The following NBAS variants were observed in gnomAD, a reference collection of about 807,000 sequenced individuals.
NBAS encodes the protein NBAS subunit of NRZ tethering complex.
Under a neutral mutation model 302.5 loss-of-function variants are expected in NBAS, and 219 were observed. That is an observed-to-expected ratio of 0.72 (90% CI 0.65 to 0.81). The LOEUF is 0.81. Among genes scored for constraint, NBAS ranks in the 30% least tolerant of loss-of-function variants. NBAS has a pLI of 0.00. For synonymous variants in NBAS, 1,118 were observed against 1,021.6 expected, an observed-to-expected ratio of 1.09 and a Z score of -1.80; for missense variants, 2,932 against 2,841.6, an observed-to-expected ratio of 1.03 and a Z score of -0.72.
chr2:14,951,845 TA>T, the NBAS span, among the ~76,000 whole-genome samples: 1 of 152,172 alleles, frequency 6.6e-6, no homozygotes, highest in Non-Finnish European at 1.5e-5. Flanking sequence ...AAATTCCTCT[TA>T]GGGCTGCTCT....
chr2:14,931,081 A>G, the NBAS span, among the ~76,000 whole-genome samples: 2 of 152,230 alleles, frequency 1.3e-5, no homozygotes, highest in South Asian at 4.1e-4. Context: ...TGAAAGAATG[A>G]ATGAATGAAC....
At chr2:14,903,748 G>A in the NBAS span, among the ~76,000 whole-genome samples, 9 of 152,088 alleles carry the variant, frequency 5.9e-5, no homozygotes, top group African/African-American at 1.9e-4. Flanking sequence ...CAAAGGAATC[G>A]GGGAGCAAAA....
chr2:15,023,297 T>C, the NBAS span, among the ~76,000 whole-genome samples: 1,889 of 152,280 alleles, frequency 0.012, 42 homozygotes, highest in African/African-American at 0.044. Flanking sequence ...ACAGTTTATT[T>C]ATGTATTCAA....
rs557237995 is a variant in NBAS, at chr2:15,514,410, A to C, written c.747-3060T>G. On this transcript the variant is annotated intron_variant, in intron 9 of 51. Coordinates refer to ENST00000281513, the MANE Select transcript of NBAS (RefSeq NM_015909.4). ...ATCCAAAGTTCAGAATTTAATCACA[A>C]CGTTTTTTCAATCCAAAAATATGTG... 9.8e-5 allele frequency among the ~76,000 whole-genome samples: 15 copies of C among 152,342 alleles called. No homozygotes were observed. The South Asian group carries it at 2.7e-3, about 27-fold the overall frequency.
the NBAS span, among the ~76,000 whole-genome samples, chr2:14,898,228 C>T: frequency 7.2e-5 from 11 of 152,280 alleles, no homozygotes; most frequent in Middle Eastern, 3.4e-3. Context: ...CATGTGCTTG[C>T]AGATCCTTAG....
At chr2:15,446,673 G>C (rs1172614368) in intron 21 of NBAS, among the ~76,000 whole-genome samples, 1 of 151,950 alleles carries the variant, frequency 6.6e-6, no homozygotes. Context: ...TTACTGATAA[G>C]AGCAAAAATA....
the NBAS span, among the ~76,000 whole-genome samples, chr2:14,789,586 G>A: frequency 1.3e-5 from 2 of 152,168 alleles, no homozygotes; most frequent in Non-Finnish European, 2.9e-5. Context: ...AAACTATTGG[G>A]CCAGTTAATT....
At chr2:15,296,608 C>T (rs1000278632) in intron 40 of NBAS, among the ~76,000 whole-genome samples, 1 of 151,902 alleles carries the variant, frequency 6.6e-6, no homozygotes, top group African/African-American at 2.4e-5. Flanking sequence ...AGGCTGGAGG[C>T]TCAATTGAGG....
In NBAS at chr2:15,525,030, C is replaced by T. The variant is rs781593710; in HGVS notation, c.746+9513G>A. Among the ~76,000 whole-genome samples, 8 of 152,164 alleles carry T rather than the reference C, an allele frequency of 5.3e-5. No homozygotes were observed. In the East Asian group the frequency reaches 5.8e-4, roughly 11 times the overall value. On this transcript the variant is annotated intron_variant, in intron 9 of 51. Transcript: ENST00000281513. The stretch of plus-strand genomic sequence containing the variant: ...GATTTAAGCAACTTCACTGCAAAAA[C>T]ACAATATATTCAGCATCTACCTATA...
In NBAS at chr2:15,353,511, G is replaced by A. The variant is rs751355392; in HGVS notation, c.4089+42C>T. The A allele has an allele frequency of 1.9e-6, 3 of 1,610,930 alleles. No homozygotes were observed. In the South Asian group the frequency reaches 3.3e-5, roughly 18 times the overall value. On this transcript the variant is annotated intron_variant, in intron 34 of 51. Coordinates refer to ENST00000281513, the MANE Select transcript of NBAS (RefSeq NM_015909.4). ...CTCAGATACACACACCCAACAACAT[G>A]GACGTCATACAGGTTAGGATTTCCT...
At chr2:15,526,834 A>G (rs1261847210) in intron 9 of NBAS, among the ~76,000 whole-genome samples, 1 of 152,160 alleles carries the variant, frequency 6.6e-6, no homozygotes, top group Non-Finnish European at 1.5e-5. Context: ...CAATTGCTTA[A>G]ATCCTGAATC....
intron 2 of NBAS, 117 bp from the exon 3 acceptor site, chr2:15,556,936 TA>T (rs1243856573): frequency 1.2e-6 from 1 of 801,370 alleles, no homozygotes; most frequent in East Asian, 2.5e-5. Context: ...TTAAAAAAAA[TA>T]AAGAACTCAA....
chr2:15,085,293 A>ACC, the NBAS span, among the ~76,000 whole-genome samples: 3 of 151,790 alleles, frequency 2.0e-5, no homozygotes, highest in Admixed American at 2.0e-4. Context: ...CACTGGGCCC[A>ACC]CCCCACCAAG....
chr2:15,014,644 G>C, the NBAS span, among the ~76,000 whole-genome samples: 1 of 151,928 alleles, frequency 6.6e-6, no homozygotes, highest in Non-Finnish European at 1.5e-5. Flanking sequence ...TAAGAGGTAA[G>C]TTTATAACAA....
At chr2:15,300,060 T>TC (rs1414118147) in intron 40 of NBAS, among the ~76,000 whole-genome samples, 2 of 152,162 alleles carry the variant, frequency 1.3e-5, no homozygotes, top group Non-Finnish European at 2.9e-5. Flanking sequence ...GCTCCATGGA[T>TC]CATCTGAGAG....
At chr2:15,213,673 GGTAA>G (rs1436492457) in intron 48 of NBAS, among the ~76,000 whole-genome samples, 64 of 152,216 alleles carry the variant, frequency 4.2e-4, no homozygotes, top group African/African-American at 1.4e-3. Context: ...CAGAGAGGAT[GGTAA>G]CCACTTTGCA....
At chr2:15,525,726 TA>T (rs1464528343) in intron 9 of NBAS, among the ~76,000 whole-genome samples, 12 of 152,174 alleles carry the variant, frequency 7.9e-5, no homozygotes, top group Non-Finnish European at 1.5e-4. Context: ...CTTCAAACAC[TA>T]ACTAACTTTT....
intron 51 of NBAS, among the ~76,000 whole-genome samples, chr2:15,168,737 C>T (rs953334523): frequency 9.2e-5 from 14 of 152,230 alleles, no homozygotes; most frequent in Non-Finnish European, 8.8e-5. Flanking sequence ...TCAAGCGGTT[C>T]TCCTGCCTCA....
At chr2:15,471,802 A>G (rs966275617) in intron 16 of NBAS, among the ~76,000 whole-genome samples, 1 of 152,174 alleles carries the variant, frequency 6.6e-6, no homozygotes, top group Non-Finnish European at 1.5e-5. Flanking sequence ...GCTGTCTGCC[A>G]TATAAGGACA....
Sources: allele counts gnomAD v4.1 joint callset (sites outside exome capture counted in the v4.1 genomes callset), GRCh38; gene constraint gnomAD v4.1.1; transcripts MANE v1.5; gene names NCBI Gene and HGNC (gene_info 2026-07-23, HGNC 2026-07-21).